Variants in NFKB2 observed in about 807,000 individuals in gnomAD.
NFKB2 encodes the protein nuclear factor NF-kappa-B p100 subunit.
In NFKB2, 21 loss-of-function variants were observed where a neutral mutation model predicts 109.3. The ratio of observed to expected loss-of-function variants is 0.19; its 90% confidence interval spans 0.14 to 0.28. NFKB2 has a LOEUF of 0.28. Among genes scored for constraint, NFKB2 ranks in the 10% least tolerant of loss-of-function variants. The probability of loss-of-function intolerance (pLI) is 1.00; values close to 1 mark genes in which losing one functional copy is unlikely to be tolerated. For missense variants in NFKB2, 806 were observed against 1,185.3 expected, an observed-to-expected ratio of 0.68 and a Z score of 4.70; for synonymous variants, 478 against 489.9, an observed-to-expected ratio of 0.98 and a Z score of 0.32.
In NFKB2 at chr10:102,398,179, G is replaced by C. The variant is rs758222960; in HGVS notation, c.767-33G>C. On this transcript the variant is annotated intron_variant, in intron 9 of 22. Coordinates refer to ENST00000661543, the MANE Select transcript of NFKB2 (RefSeq NM_001322934.2). The surrounding 1 kb of genome is among the most constrained non-coding windows in gnomAD (Gnocchi z 6.6). ...GTAAATGGCCCCAGAGATTCCACCG[G>C]GAGCTGTGGCCAAGCTTCCGTTTTC... The C allele has an allele frequency of 1.9e-6, 3 of 1,613,548 alleles. No individual in the cohort carries two copies. The Admixed American group carries it at 5.0e-5, about 27-fold the overall frequency.
At position 102,396,510 on chromosome 10, in the gene NFKB2, G is replaced by A. The variant is rs1303487511; in HGVS notation, c.144+21G>A. On this transcript the variant is annotated intron_variant, in intron 4 of 22. Transcript: ENST00000661543. This position sits in a 1 kb window ranked among gnomAD's most constrained non-coding sequence, Gnocchi z 5.9. ...AGCAGGTGAGTGAGCAAAAGGGAGGGTGTGGAATGGCTTCAGCTTTGGGGA... is the reference window on the plus strand; with the variant it reads ...AGCAGGTGAGTGAGCAAAAGGGAGGATGTGGAATGGCTTCAGCTTTGGGGA... 6.8e-6 allele frequency: 11 copies of A among 1,613,628 alleles called. No individual in the cohort carries two copies. The highest frequency in any genetic ancestry group is 2.7e-5 in the African/African-American group (2 of 74,916).
rs1304804019 is a variant in NFKB2 at position 102,402,140 on chromosome 10, A to T, written c.2559A>T (p.Arg853=). The T allele has an allele frequency of 2.5e-6, 4 of 1,577,070 alleles. No homozygotes were observed. In the East Asian group the frequency reaches 7.0e-5, roughly 28 times the overall value. Residue 853 remains arginine, a synonymous_variant, in exon 22 of 23, where the codon CGA becomes CGT. Transcript: ENST00000661543. ...GGCTGCTGAGGGGTCCAGAAACCCG[A>T]GACAAGCTGCCCAGCACAGGTAAAG... ...GVRLLRGPET[R]DKLPSTAEVK...
chr10:102,399,968 C>T, intron 14 of NFKB2, 112 bp from the exon 15 acceptor site: 1 of 1,194,322 alleles, frequency 8.4e-7, no homozygotes, highest in Non-Finnish European at 1.2e-6. Context: ...ATGCCCTGGG[C>T]CACGTGCTGG....
intron 13 of NFKB2, 37 bp from the exon 14 acceptor site, chr10:102,399,540 G>A (rs1260198054): frequency 6.6e-7 from 1 of 1,526,192 alleles, no homozygotes; most frequent in African/African-American, 1.4e-5. Flanking sequence ...CCGGGGCTGA[G>A]GACCTAGCCC....
rs1589858841 is a variant in NFKB2, at chr10:102,396,581, G to A, written c.144+92G>A. On this transcript the variant is annotated intron_variant, in intron 4 of 22. Coordinates refer to ENST00000661543, the MANE Select transcript of NFKB2 (RefSeq NM_001322934.2). The surrounding 1 kb of genome is among the most constrained non-coding windows in gnomAD (Gnocchi z 5.9). Reference sequence around the variant, plus strand: ...GGCTGGCCATGGAGGAGCCATTGCCGAAGGAGGCCACAGGGGATTGGATGG... The same window carrying A: ...GGCTGGCCATGGAGGAGCCATTGCCAAAGGAGGCCACAGGGGATTGGATGG... 7 of 1,592,200 alleles carry A rather than the reference G, an allele frequency of 4.4e-6. No homozygotes were observed. Among genetic ancestry groups the A allele is most frequent in the East Asian group, 2.2e-5 (1 of 44,656 alleles).
upstream of NFKB2, chr10:102,394,475 A>AT (rs2061063193): frequency 6.6e-6 from 1 of 152,550 alleles, no homozygotes; most frequent in Non-Finnish European, 1.5e-5. Flanking sequence ...CGTCATGGGA[A>AT]TTCCCCCCTC....
Position 102,398,370 on chromosome 10 carries a change from C to A in NFKB2, c.853-15C>A, listed in dbSNP as rs1298584675. 35 of 1,613,976 alleles carry A rather than the reference C, an allele frequency of 2.2e-5. No individual in the cohort carries two copies. The highest frequency in any genetic ancestry group is 2.8e-5 in the Non-Finnish European group (33 of 1,179,922). On this transcript the variant is annotated splice_polypyrimidine_tract_variant and intron_variant, in intron 10 of 22. Transcript: ENST00000661543. This position sits in a 1 kb window ranked among gnomAD's most constrained non-coding sequence, Gnocchi z 6.6. ...AAGGACTCACTGACACCCTGTGTCTCCCTGCACCCCCCAGTATGCCATTGT... is the reference window on the plus strand; with the variant it reads ...AAGGACTCACTGACACCCTGTGTCTACCTGCACCCCCCAGTATGCCATTGT...
chr10:102,398,285 T>A lies in NFKB2; in HGVS notation c.840T>A (p.Asp280Glu). The change falls in exon 10 of 23, where the codon GAT becomes GAA. Residue 280 changes from aspartate (D) to glutamate (E), a missense_variant. Around this residue, in one of 10 missense-constraint regions of NFKB2, gnomAD observed 64 missense variants for 177.4 expected, o/e 0.36. Coordinates refer to ENST00000661543, the MANE Select transcript of NFKB2 (RefSeq NM_001322934.2). This position sits in a 1 kb window ranked among gnomAD's most constrained non-coding sequence, Gnocchi z 6.6. ...CCTTTGGGGACTTCTCTCCCACAGA[T>A]GTGCATAAACAGGTACCCAGGGCTA... is the stretch of plus-strand genomic sequence containing the variant. ...WQAFGDFSPT[D>E]VHKQYAIVFR... The A allele has an allele frequency of 6.2e-7, 1 of 1,614,158 alleles. No homozygotes were observed. Among genetic ancestry groups the A allele is most frequent in the Non-Finnish European group, 8.5e-7 (1 of 1,180,020 alleles).
Position 102,402,280 on chromosome 10 carries a change from G to A in NFKB2, c.2607G>A (p.Gly869=), listed in dbSNP as rs1240499051. 1.3e-6 allele frequency: 2 copies of A among 1,558,208 alleles called. No individual in the cohort carries two copies. The highest frequency in any genetic ancestry group is 4.8e-5 in the East Asian group (2 of 41,578). ...TAEVKEDSAY[G]SQSVEQEAEK... is the part of the protein sequence containing the mutation. Reference sequence around the variant, plus strand: ...AGGTGAAGGAAGACAGTGCGTACGGGAGCCAGTCAGTGGAGCAGGAGGCAG... The same window carrying A: ...AGGTGAAGGAAGACAGTGCGTACGGAAGCCAGTCAGTGGAGCAGGAGGCAG... Residue 869 remains glycine (G), a synonymous_variant, in exon 23 of 23, where the codon GGG becomes GGA. Coordinates refer to ENST00000661543, the MANE Select transcript of NFKB2 (RefSeq NM_001322934.2).
In NFKB2 at chr10:102,398,281, C is replaced by G. The variant is rs762466376; in HGVS notation, c.836C>G (p.Thr279Arg). The change falls in exon 10 of 23, where the codon ACA becomes AGA. Residue 279 changes from threonine to arginine, a missense_variant. Transcript: ENST00000661543. This position sits in a 1 kb window ranked among gnomAD's most constrained non-coding sequence, Gnocchi z 6.6. Reference sequence around the variant, plus strand: ...CAGGCCTTTGGGGACTTCTCTCCCACAGATGTGCATAAACAGGTACCCAGG... The same window carrying G: ...CAGGCCTTTGGGGACTTCTCTCCCAGAGATGTGCATAAACAGGTACCCAGG... The part of the protein sequence containing the change: ...GWQAFGDFSP[T>R]DVHKQYAIVF... 1 of 1,614,190 alleles carries G rather than the reference C, an allele frequency of 6.2e-7. No individual in the cohort carries two copies. Among genetic ancestry groups the G allele is most frequent in the Admixed American group, 1.7e-5 (1 of 60,024 alleles).
chr10:102,398,808 C>T lies in NFKB2; in HGVS notation c.1061C>T (p.Ser354Phe), dbSNP rs777777444. ...PTFSQPFGGG[S>F]HMGGGSGGAA... is the part of the protein sequence containing the mutation. ...TTCTCCCAGCCCTTCGGGGGTGGCT[C>T]CCACATGGGTGGAGGCTCTGGGGGT... Residue 354 changes from serine (S) to phenylalanine (F), a missense_variant, in exon 12 of 23, where the codon TCC becomes TTC. This residue lies in a region of NFKB2 where 209 missense variants were observed against 211.9 expected (regional missense o/e 0.99). Transcript: ENST00000661543. The surrounding 1 kb of genome is among the most constrained non-coding windows in gnomAD (Gnocchi z 6.6). 6.2e-6 allele frequency: 10 copies of T among 1,610,658 alleles called. No individual in the cohort carries two copies. The highest frequency in any genetic ancestry group is 1.7e-5 in the Admixed American group (1 of 59,768).
chr10:102,402,200 G>A (rs369305023), intron 22 of NFKB2, 41 bp downstream of exon 22: 1 of 1,552,670 alleles, frequency 6.4e-7, no homozygotes, highest in Admixed American at 2.0e-5. Context: ...GACCTGGAGG[G>A]CCGGAGGCCT....
At position 102,400,912 on chromosome 10, in the gene NFKB2, G is replaced by A; in HGVS notation, c.1969-35G>A. The A allele has an allele frequency of 6.3e-7, 1 of 1,599,030 alleles. No homozygotes were observed. Among genetic ancestry groups the A allele is most frequent in the Non-Finnish European group, 8.5e-7 (1 of 1,172,280 alleles). On this transcript the variant is annotated intron_variant, in intron 17 of 22. Transcript: ENST00000661543. This position sits in a 1 kb window ranked among gnomAD's most constrained non-coding sequence, Gnocchi z 6.3. ...GGGGGGGGCTGGCCAAGGGGACCATGCTGTGGTGTCAACTCTCGCTGCTCG... is the reference window on the plus strand; with the variant it reads ...GGGGGGGGCTGGCCAAGGGGACCATACTGTGGTGTCAACTCTCGCTGCTCG...
Position 102,400,889 on chromosome 10 carries a change from G to A in NFKB2, c.1969-58G>A, listed in dbSNP as rs1028873745. 2.0e-5 allele frequency: 32 copies of A among 1,583,008 alleles called. No individual in the cohort carries two copies. Among genetic ancestry groups the A allele is most frequent in the East Asian group, 1.1e-4 (5 of 43,740 alleles). On this transcript the variant is annotated intron_variant, in intron 17 of 22. Coordinates refer to ENST00000661543, the MANE Select transcript of NFKB2 (RefSeq NM_001322934.2). This position sits in a 1 kb window ranked among gnomAD's most constrained non-coding sequence, Gnocchi z 6.3. Reference sequence around the variant, plus strand: ...GTGGAGGGGCCAAAGATGGTGAAGGGGGGGGCTGGCCAAGGGGACCATGCT... The same window carrying A: ...GTGGAGGGGCCAAAGATGGTGAAGGAGGGGGCTGGCCAAGGGGACCATGCT...
intron 12 of NFKB2, 56 bp from the exon 13 acceptor site, chr10:102,399,232 A>AT: frequency 2.0e-6 from 3 of 1,477,382 alleles, no homozygotes; most frequent in Non-Finnish European, 2.7e-6. Context: ...AAAAAAAAAA[A>AT]ATCTGGGAGA....
At chr10:102,394,931 A>G (rs1411852579), upstream of NFKB2, among the ~76,000 whole-genome samples, 2 of 152,230 alleles carry the variant, frequency 1.3e-5, no homozygotes, top group African/African-American at 4.8e-5. Flanking sequence ...GTGTCCGTAC[A>G]TCAAGACAGG....
rs1222281331 is a variant in NFKB2 at position 102,400,247 on chromosome 10, C to T, written c.1585-31C>T. 3.7e-6 allele frequency: 6 copies of T among 1,613,888 alleles called. No homozygotes were observed. Among genetic ancestry groups the T allele is most frequent in the African/African-American group, 2.7e-5 (2 of 75,048 alleles). On this transcript the variant is annotated intron_variant, in intron 15 of 22. Coordinates refer to ENST00000661543, the MANE Select transcript of NFKB2 (RefSeq NM_001322934.2). The surrounding 1 kb of genome is among the most constrained non-coding windows in gnomAD (Gnocchi z 6.3). ...GAGGGGTTGGAAGGCAAGTGGGTCT[C>T]GGGCCTGGCTCACCCTGCTTTCATC... is the stretch of plus-strand genomic sequence containing the variant.
Position 102,401,369 on chromosome 10 carries a change from G to A in NFKB2, c.2223+38G>A, listed in dbSNP as rs376771009. 3.7e-6 allele frequency: 6 copies of A among 1,609,744 alleles called. No homozygotes were observed. The highest frequency in any genetic ancestry group is 2.7e-5 in the African/African-American group (2 of 74,810). The stretch of plus-strand genomic sequence containing the variant: ...CGGGACTAGAAGTGCTCTGAGTGAC[G>A]GGGTCCAGAGTATCTGGACTTAAAG... On this transcript the variant is annotated intron_variant, in intron 19 of 22. Transcript: ENST00000661543. This position sits in a 1 kb window ranked among gnomAD's most constrained non-coding sequence, Gnocchi z 4.2.
Position 102,399,594 on chromosome 10 carries a change from C to T in NFKB2, c.1345C>T (p.Arg449Cys), listed in dbSNP as rs1185633371. ...MLQRAREYNA[R>C]LFGLAQRSAR... Reference sequence around the variant, plus strand: ...GCCCGTAGCTCGAGAGTACAACGCGCGCCTGTTCGGCCTGGCGCAGCGCAG... The same window carrying T: ...GCCCGTAGCTCGAGAGTACAACGCGTGCCTGTTCGGCCTGGCGCAGCGCAG... The change falls in exon 14 of 23, where the codon CGC becomes TGC. Residue 449 changes from arginine (R) to cysteine (C), a missense_variant. Transcript: ENST00000661543. 3.9e-6 allele frequency: 6 copies of T among 1,550,420 alleles called. No homozygotes were observed. In the African/African-American group the frequency reaches 6.9e-5, roughly 18 times the overall value.
Sources: allele counts gnomAD v4.1 joint callset (sites outside exome capture counted in the v4.1 genomes callset), GRCh38; gene constraint gnomAD v4.1.1; regional missense constraint gnomAD v4.1.1; non-coding constraint Gnocchi (gnomAD v3.1); transcripts MANE v1.5; gene names NCBI Gene and HGNC (gene_info 2026-07-23, HGNC 2026-07-21).